The following KCNQ5 variants were observed in gnomAD, a reference collection of about 807,000 sequenced individuals.
KCNQ5 encodes potassium voltage-gated channel subfamily KQT member 5.
KCNQ5 carries 30 observed loss-of-function variants against 98.2 expected under a neutral mutation model. The observed-to-expected ratio is 0.31, with a 90% CI of 0.23 to 0.41. KCNQ5 has a LOEUF of 0.41. Ranked by LOEUF, KCNQ5 falls within the 10% of genes least tolerant of loss-of-function variation. KCNQ5 has a pLI of 1.00. For synonymous variants in KCNQ5, 458 were observed against 449.4 expected (o/e 1.02, Z -0.24); for missense variants, 835 against 1,182.5 (o/e 0.71, Z 4.31).
intron 1 of KCNQ5, among the ~76,000 whole-genome samples, chr6:72,703,420 G>GTTTTGT (rs1254842143): frequency 6.6e-6 from 1 of 152,080 alleles, no homozygotes; most frequent in Non-Finnish European, 1.5e-5. Flanking sequence ...TGGTTTGTTT[G>GTTTTGT]TTTTGTTTTT....
At chr6:72,801,271 G>T (rs1774640302) in intron 1 of KCNQ5, among the ~76,000 whole-genome samples, 1 of 147,912 alleles carries the variant, frequency 6.8e-6, no homozygotes, top group Non-Finnish European at 1.5e-5. Context: ...AAGTCTCTTT[G>T]TAGGTCACTC....
intron 1 of KCNQ5, among the ~76,000 whole-genome samples, chr6:72,832,235 G>A (rs139087760): frequency 1.9e-3 from 293 of 152,178 alleles, no homozygotes; most frequent in African/African-American, 6.7e-3. Flanking sequence ...ATGAGATGTG[G>A]CAATGGATAA....
intron 1 of KCNQ5, among the ~76,000 whole-genome samples, chr6:72,647,423 C>T (rs1459543355): frequency 2.0e-5 from 3 of 149,684 alleles, no homozygotes; most frequent in Non-Finnish European, 4.4e-5. Flanking sequence ...AGACAGAAGG[C>T]TGTACAACAA....
At chr6:72,655,020 CT>C (rs879674862) in intron 1 of KCNQ5, among the ~76,000 whole-genome samples, 9,202 of 110,076 alleles carry the variant, frequency 0.084, 617 homozygotes, top group African/African-American at 0.19. Context: ...TAGCCAAGGT[CT>C]GTCTGTCTTT....
At chr6:72,785,969 A>G (rs933194492) in intron 1 of KCNQ5, among the ~76,000 whole-genome samples, 14 of 152,212 alleles carry the variant, frequency 9.2e-5, no homozygotes, top group Middle Eastern at 3.2e-3. Context: ...CAAGAGACAT[A>G]TAATAGGAGC....
At chr6:72,915,601 A>T (rs1025959343) in intron 1 of KCNQ5, among the ~76,000 whole-genome samples, 2 of 152,164 alleles carry the variant, frequency 1.3e-5, no homozygotes, top group Non-Finnish European at 2.9e-5. Flanking sequence ...TTAATGAGAA[A>T]TGTATTTGTC....
chr6:72,772,844 C>T (rs9341387), intron 1 of KCNQ5, among the ~76,000 whole-genome samples: 90,675 of 151,974 alleles, frequency 0.6, 27,074 homozygotes, highest in Admixed American at 0.63. Flanking sequence ...CTACAGCTTT[C>T]TCCTAAGAAC....
At chr6:72,667,061 T>G (rs181205881) in intron 1 of KCNQ5, among the ~76,000 whole-genome samples, 3 of 150,784 alleles carry the variant, frequency 2.0e-5, no homozygotes, top group African/African-American at 7.3e-5. Context: ...AATGAAATAT[T>G]TTTTTTTTTC....
intron 7 of KCNQ5, among the ~76,000 whole-genome samples, chr6:73,114,811 A>C (rs1775416299): frequency 1.3e-5 from 2 of 152,192 alleles, no homozygotes; most frequent in South Asian, 2.1e-4. Flanking sequence ...TGTGAAATAA[A>C]TGTTGGTAGG....
At chr6:72,755,146 C>G (rs1057313859) in intron 1 of KCNQ5, among the ~76,000 whole-genome samples, 16 of 151,968 alleles carry the variant, frequency 1.1e-4, no homozygotes, top group Non-Finnish European at 1.8e-4. Context: ...GATAGTAATA[C>G]AGTCACTCCA....
intron 1 of KCNQ5, among the ~76,000 whole-genome samples, chr6:72,704,638 A>AG (rs1368650079): frequency 2.3e-5 from 1 of 42,726 alleles, no homozygotes; most frequent in Non-Finnish European, 3.6e-5. Context: ...TATAAATGAT[A>AG]AAAAAAAAAG....
chr6:72,941,550 T>TCCCC (rs772075673), intron 1 of KCNQ5, among the ~76,000 whole-genome samples: 13 of 37,394 alleles, frequency 3.5e-4, no homozygotes, highest in East Asian at 1.8e-3. Flanking sequence ...TTCCTTTCCT[T>TCCCC]CTTCCCTCCC....
intron 10 of KCNQ5, among the ~76,000 whole-genome samples, chr6:73,149,774 G>A (rs1191040099): frequency 6.7e-6 from 1 of 149,458 alleles, no homozygotes; most frequent in African/African-American, 2.5e-5. Flanking sequence ...TCCAGCATGG[G>A]CGACAGTGGG....
At chr6:72,677,321 A>G (rs930312057) in intron 1 of KCNQ5, 1 of 152,204 alleles carries the variant, frequency 6.6e-6, no homozygotes, top group African/African-American at 2.4e-5. Context: ...AATGGTGCAG[A>G]TGGGATAGTT....
At chr6:72,769,761 C>T (rs1426253727) in intron 1 of KCNQ5, among the ~76,000 whole-genome samples, 3 of 152,026 alleles carry the variant, frequency 2.0e-5, no homozygotes, top group African/African-American at 7.2e-5. Flanking sequence ...GAAAACAAAG[C>T]TTTGTATAAA....
intron 1 of KCNQ5, among the ~76,000 whole-genome samples, chr6:72,747,274 G>T (rs1771452857): frequency 6.6e-6 from 1 of 152,040 alleles, no homozygotes; most frequent in Non-Finnish European, 1.5e-5. Flanking sequence ...AATTATGTTA[G>T]CTACTTAGAC....
chr6:72,743,340 T>C (rs1038522880), intron 1 of KCNQ5, among the ~76,000 whole-genome samples: 1 of 151,778 alleles, frequency 6.6e-6, no homozygotes, highest in African/African-American at 2.4e-5. Context: ...GTATTTTAAA[T>C]ATTTTTCATT....
At chr6:73,180,137 C>A (rs541199030) in intron 11 of KCNQ5, among the ~76,000 whole-genome samples, 4 of 152,298 alleles carry the variant, frequency 2.6e-5, no homozygotes, top group Non-Finnish European at 5.9e-5. Flanking sequence ...TATCAGAGCT[C>A]ACAGTCGCAG....
intron 1 of KCNQ5, among the ~76,000 whole-genome samples, chr6:72,794,993 T>C (rs1021920046): frequency 2.0e-5 from 3 of 152,152 alleles, no homozygotes; most frequent in African/African-American, 7.2e-5. Context: ...TACAAGGAAT[T>C]GAATTTTGTT....
Sources: gnomAD v4.1 joint callset for allele counts (sites outside exome capture counted in the v4.1 genomes callset) on GRCh38, gnomAD v4.1.1 for gene constraint, MANE v1.5 for transcripts, NCBI Gene and HGNC (gene_info 2026-07-23, HGNC 2026-07-21) for gene names.